DLC1: variants seen among roughly 807,000 people sequenced by gnomAD.
The protein encoded by DLC1 is rho GTPase-activating protein 7.
A neutral mutation model predicts 140.3 loss-of-function variants in DLC1; 54 were observed. That is an observed-to-expected ratio of 0.38 (90% CI 0.31 to 0.48). DLC1 has a LOEUF of 0.48. Ranked by LOEUF, DLC1 falls within the 20% of genes least tolerant of loss-of-function variation. The pLI is 0.96. For synonymous variants in DLC1, 986 were observed against 728.1 expected (o/e 1.35, Z -5.70); for missense variants, 2,536 against 1,907.0 (o/e 1.33, Z -6.14).
chr8:13,200,831 C>T (rs1827340477), intron 5 of DLC1, among the ~76,000 whole-genome samples: 1 of 152,104 alleles, frequency 6.6e-6, no homozygotes, highest in South Asian at 2.1e-4. Context: ...CTCCTGGCCT[C>T]AAGTGATCCT....
intron 2 of DLC1, among the ~76,000 whole-genome samples, chr8:13,485,687 C>T (rs538038925): frequency 6.6e-6 from 1 of 152,304 alleles, no homozygotes; most frequent in African/African-American, 2.4e-5. Context: ...CTTCACATAA[C>T]CCACACAACT....
rs529005249 is a variant in DLC1, at chr8:13,588,743, T to C, written c.-126+15794A>G. On this transcript the variant is annotated intron_variant, in intron 1 of 1. Transcript: ENST00000631382. ...TCTCAGCAGCTGTCTTCTCAAAGAC[T>C]AAAGATATAGGCTTGGGATGCATGG... Among the ~76,000 whole-genome samples, 7 of 152,196 alleles carry C rather than the reference T, an allele frequency of 4.6e-5. No individual in the cohort carries two copies. In the South Asian group the frequency reaches 1.2e-3, roughly 27 times the overall value.
At chr8:13,189,438 A>G (rs959895188) in intron 5 of DLC1, among the ~76,000 whole-genome samples, 15 of 151,706 alleles carry the variant, frequency 9.9e-5, no homozygotes, top group Admixed American at 9.2e-4. Context: ...TGATCATGCC[A>G]TTGCACTCCA....
At chr8:13,424,152 G>A (rs1838446092) in intron 2 of DLC1, among the ~76,000 whole-genome samples, 1 of 151,988 alleles carries the variant, frequency 6.6e-6, no homozygotes, top group Admixed American at 6.6e-5. Flanking sequence ...GGAAATTAAA[G>A]CAAAACAAAA....
chr8:13,417,316 G>C (rs1044510391), intron 2 of DLC1, among the ~76,000 whole-genome samples: 1 of 151,488 alleles, frequency 6.6e-6, no homozygotes, highest in East Asian at 1.9e-4. Context: ...CCATTAACTC[G>C]TCATTTAGCA....
At chr8:13,541,813 T>A (rs1803495024) in intron 1 of DLC1, among the ~76,000 whole-genome samples, 1 of 152,206 alleles carries the variant, frequency 6.6e-6, no homozygotes. Context: ...CCTCCCAAAG[T>A]GCTGGGATTA....
Position 13,296,898 on chromosome 8 carries a change from G to C in DLC1, c.1348+8371C>G, listed in dbSNP as rs527503563. ...ATCAGAACATATTAAAAGAGAAATTGTCATCTACGTGTGTTGCTTAAAATA... is the reference window on the plus strand; with the variant it reads ...ATCAGAACATATTAAAAGAGAAATTCTCATCTACGTGTGTTGCTTAAAATA... On this transcript the variant is annotated intron_variant, in intron 5 of 17. Coordinates refer to ENST00000276297, the MANE Select transcript of DLC1 (RefSeq NM_182643.3). 2.0e-5 allele frequency among the ~76,000 whole-genome samples: 3 copies of C among 151,958 alleles called. No individual in the cohort carries two copies. The South Asian group carries it at 6.2e-4, about 32-fold the overall frequency.
At chr8:13,410,171 C>T (rs12156232) in intron 2 of DLC1, among the ~76,000 whole-genome samples, 15,036 of 151,826 alleles carry the variant, frequency 0.099, 960 homozygotes, top group Middle Eastern at 0.19. Flanking sequence ...TGATTACAAA[C>T]AACAAAATAA....
chr8:13,563,032 A>G (rs2117385867), intron 1 of DLC1, among the ~76,000 whole-genome samples: 1 of 152,276 alleles, frequency 6.6e-6, no homozygotes, highest in East Asian at 1.9e-4. Flanking sequence ...ATAATCGAAA[A>G]CTCTAAAATT....
intron 4 of DLC1, among the ~76,000 whole-genome samples, chr8:13,373,507 G>C (rs1835822466): frequency 6.6e-6 from 1 of 152,058 alleles, no homozygotes; most frequent in Admixed American, 6.6e-5. Context: ...TTATATATGT[G>C]TCTGTTTAAT....
At chr8:13,485,580 A>G (rs140397871) in intron 2 of DLC1, among the ~76,000 whole-genome samples, 22 of 152,348 alleles carry the variant, frequency 1.4e-4, no homozygotes, top group African/African-American at 5.0e-4. Context: ...GTATCAATGT[A>G]GTAACGTATC....
chr8:13,478,785 T>C (rs1009589855), intron 2 of DLC1, among the ~76,000 whole-genome samples: 4 of 152,248 alleles, frequency 2.6e-5, no homozygotes, highest in African/African-American at 9.6e-5. Flanking sequence ...CTTTGTTTTC[T>C]TTTATAGCAA....
intron 2 of DLC1, among the ~76,000 whole-genome samples, chr8:13,485,836 A>G (rs903628794): frequency 2.6e-5 from 4 of 152,232 alleles, no homozygotes; most frequent in Non-Finnish European, 5.9e-5. Flanking sequence ...AGGCTCATGC[A>G]CAACTTAGCA....
chr8:13,217,419 A>G lies in DLC1; in HGVS notation c.1348+87850T>C, dbSNP rs144044245. 9.2e-5 allele frequency among the ~76,000 whole-genome samples: 14 copies of G among 152,316 alleles called. No homozygotes were observed. In the East Asian group the frequency reaches 2.5e-3, roughly 27 times the overall value. On this transcript the variant is annotated intron_variant, in intron 5 of 17. Coordinates refer to ENST00000276297, the MANE Select transcript of DLC1 (RefSeq NM_182643.3). ...ATTTCCTCTTATAACATGTCTCACT[A>G]GAATGATCTGCATCTGAGCCACTCA...
chr8:13,451,367 T>C (rs9643942), intron 2 of DLC1, among the ~76,000 whole-genome samples: 11,790 of 152,186 alleles, frequency 0.077, 618 homozygotes, highest in East Asian at 0.15. Context: ...CTTTGTGTAA[T>C]AGACAATCCA....
chr8:13,467,842 A>T (rs1800010309), intron 2 of DLC1, among the ~76,000 whole-genome samples: 1 of 152,188 alleles, frequency 6.6e-6, no homozygotes, highest in African/African-American at 2.4e-5. Context: ...TATTATACAA[A>T]TTTTAAAATA....
intron 1 of DLC1, among the ~76,000 whole-genome samples, chr8:13,549,980 G>A (rs538718231): frequency 1.3e-5 from 2 of 152,246 alleles, no homozygotes; most frequent in African/African-American, 2.4e-5. Flanking sequence ...TATGTGAAAG[G>A]CAGGTACTGA....
At chr8:13,391,629 C>T (rs533398684) in intron 4 of DLC1, among the ~76,000 whole-genome samples, 5 of 152,102 alleles carry the variant, frequency 3.3e-5, no homozygotes, top group South Asian at 2.1e-4. Context: ...AAAATGTATA[C>T]GCACTTCTGT....
intron 5 of DLC1, among the ~76,000 whole-genome samples, chr8:13,121,841 C>T (rs188818453): frequency 6.6e-6 from 1 of 152,138 alleles, no homozygotes; most frequent in African/African-American, 2.4e-5. Context: ...GCGTGAACCA[C>T]CCGTGCCTGG....
Sources: allele counts gnomAD v4.1 joint callset (sites outside exome capture counted in the v4.1 genomes callset), GRCh38; gene constraint gnomAD v4.1.1; transcripts MANE v1.5; gene names NCBI Gene and HGNC (gene_info 2026-07-23, HGNC 2026-07-21).